The following GREB1L variants were observed in gnomAD, a reference collection of about 807,000 sequenced individuals.
GREB1L encodes the protein GREB1-like protein.
A neutral mutation model predicts 200.8 loss-of-function variants in GREB1L; 17 were observed. The ratio of observed to expected loss-of-function variants is 0.08; its 90% CI spans 0.06 to 0.13. The LOEUF (loss-of-function observed/expected upper bound fraction) is 0.13. Ranked by LOEUF, GREB1L falls within the 10% of genes least tolerant of loss-of-function variation. The probability of loss-of-function intolerance (pLI) is 1.00; values close to 1 mark genes in which losing one functional copy is unlikely to be tolerated. For synonymous variants in GREB1L, 789 were observed against 893.0 expected (o/e 0.88, Z 2.08); for missense variants, 1,657 against 2,367.7 (o/e 0.70, Z 6.23).
chr18:21,482,642 ATTTTT>A (rs35313539), intron 17 of GREB1L, among the ~76,000 whole-genome samples: 3,263 of 118,088 alleles, frequency 0.028, 143 homozygotes, highest in African/African-American at 0.096. Context: ...TAGATTACAG[ATTTTT>A]TTTTTTTTTT....
intron 1 of GREB1L, among the ~76,000 whole-genome samples, chr18:21,348,163 T>G (rs1245748907): frequency 1.3e-5 from 2 of 151,708 alleles, no homozygotes; most frequent in African/African-American, 4.8e-5. Context: ...ACCAGGATGG[T>G]CTCAATCTCC....
chr18:21,321,052 G>T (rs2038943432), intron 1 of GREB1L, among the ~76,000 whole-genome samples: 1 of 152,140 alleles, frequency 6.6e-6, no homozygotes, highest in Admixed American at 6.5e-5. Flanking sequence ...CCAGCACTTT[G>T]GGAGGCTGAG....
chr18:21,518,680 C>T (rs562519819), intron 31 of GREB1L, among the ~76,000 whole-genome samples: 2 of 152,276 alleles, frequency 1.3e-5, no homozygotes, highest in East Asian at 1.9e-4. Flanking sequence ...TTTAGACATA[C>T]GTAAGAGGAG....
intron 15 of GREB1L, among the ~76,000 whole-genome samples, chr18:21,471,095 A>G (rs943347494): frequency 6.6e-6 from 1 of 152,216 alleles, no homozygotes; most frequent in Non-Finnish European, 1.5e-5. Flanking sequence ...TTGTTTTTCC[A>G]GTAAGGGAAT....
At chr18:21,443,862 A>C (rs929903274) in intron 10 of GREB1L, among the ~76,000 whole-genome samples, 2 of 152,238 alleles carry the variant, frequency 1.3e-5, no homozygotes, top group Admixed American at 1.3e-4. Flanking sequence ...GTGCCTACAC[A>C]TCACGTCATT....
At chr18:21,360,680 G>C (rs2039569133) in intron 1 of GREB1L, among the ~76,000 whole-genome samples, 1 of 152,142 alleles carries the variant, frequency 6.6e-6, no homozygotes, top group Non-Finnish European at 1.5e-5. Context: ...CATTGAGATA[G>C]AATTTATCAG....
At chr18:21,416,214 A>G (rs1256065315) in intron 7 of GREB1L, among the ~76,000 whole-genome samples, 1 of 152,128 alleles carries the variant, frequency 6.6e-6, no homozygotes, top group Non-Finnish European at 1.5e-5. Context: ...GAAAAGAATA[A>G]TGAAAGCACA....
chr18:21,436,702 G>GTGTGTGTT (rs2033563615), intron 7 of GREB1L, among the ~76,000 whole-genome samples: 1 of 149,542 alleles, frequency 6.7e-6, no homozygotes, highest in African/African-American at 2.5e-5. Context: ...GTGTGTGTGT[G>GTGTGTGTT]TGTGTGTGTG....
intron 1 of GREB1L, among the ~76,000 whole-genome samples, chr18:21,324,863 G>T (rs1370075281): frequency 2.0e-5 from 3 of 152,188 alleles, no homozygotes. Flanking sequence ...CTACTTTTCT[G>T]CTGTAGAAGG....
chr18:21,472,988 G>C (rs1037954539), intron 15 of GREB1L, 43 bp from the exon 16 acceptor site: 1 of 1,373,712 alleles, frequency 7.3e-7, no homozygotes, highest in African/African-American at 1.4e-5. Context: ...GTGTGTGTAT[G>C]TGTAAAAGTG....
intron 2 of GREB1L, 38 bp from the exon 3 acceptor site, chr18:21,383,472 C>T (rs2040406919): frequency 1.4e-6 from 2 of 1,418,156 alleles, no homozygotes; most frequent in East Asian, 2.5e-5. Flanking sequence ...CTAATTATAT[C>T]AATTTTATCC....
At chr18:21,423,513 C>G (rs2032324999) in intron 7 of GREB1L, among the ~76,000 whole-genome samples, 1 of 152,134 alleles carries the variant, frequency 6.6e-6, no homozygotes, top group Admixed American at 6.6e-5. Flanking sequence ...CTTGAATCCA[C>G]TAGATACTCC....
At chr18:21,501,107 A>C (rs2145950237) in intron 23 of GREB1L, among the ~76,000 whole-genome samples, 1 of 151,844 alleles carries the variant, frequency 6.6e-6, no homozygotes, top group East Asian at 1.9e-4. Context: ...AAATGAAAAA[A>C]AAGAATGTGC....
intron 7 of GREB1L, among the ~76,000 whole-genome samples, chr18:21,434,768 G>C (rs753265181): frequency 1.3e-5 from 2 of 151,926 alleles, no homozygotes; most frequent in Non-Finnish European, 2.9e-5. Context: ...GTGAGTGTTT[G>C]TTAAATAAGT....
chr18:21,463,134 C>CTTTTT (rs11355874), intron 15 of GREB1L, among the ~76,000 whole-genome samples: 11 of 55,688 alleles, frequency 2.0e-4, no homozygotes, highest in African/African-American at 4.0e-4. Flanking sequence ...CTTAATGGTT[C>CTTTTT]TTTTTTTTTT....
At chr18:21,492,112 C>T (rs1245864382) in intron 19 of GREB1L, among the ~76,000 whole-genome samples, 20 of 151,672 alleles carry the variant, frequency 1.3e-4, no homozygotes, top group African/African-American at 3.4e-4. Context: ...TTTGGGAGGC[C>T]GAGGCGGGCG....
chr18:21,453,626 A>T (rs2145459650), intron 14 of GREB1L, among the ~76,000 whole-genome samples: 1 of 152,300 alleles, frequency 6.6e-6, no homozygotes, highest in African/African-American at 2.4e-5. Context: ...TGCTTAGAGT[A>T]TCTGGGAAAT....
intron 7 of GREB1L, among the ~76,000 whole-genome samples, chr18:21,419,341 C>G (rs1216346609): frequency 6.6e-6 from 1 of 152,218 alleles, no homozygotes; most frequent in Non-Finnish European, 1.5e-5. Context: ...TAAAAAGCTA[C>G]TAGCACCAAT....
At chr18:21,262,282 T>C (rs892665646) in intron 1 of GREB1L, among the ~76,000 whole-genome samples, 2 of 151,884 alleles carry the variant, frequency 1.3e-5, no homozygotes, top group Non-Finnish European at 2.9e-5. Flanking sequence ...ACACAGATCT[T>C]TTTTTTTGCT....
Sources: allele counts gnomAD v4.1 joint callset (sites outside exome capture counted in the v4.1 genomes callset), GRCh38; gene constraint gnomAD v4.1.1; transcripts MANE v1.5; gene names NCBI Gene and HGNC (gene_info 2026-07-23, HGNC 2026-07-21).